The following WDR70 variants were observed in gnomAD, a reference collection of about 807,000 sequenced individuals.
WDR70 encodes WD repeat-containing protein 70.
Under a neutral mutation model 88.6 loss-of-function variants are expected in WDR70, and 53 were observed. The observed-to-expected ratio is 0.60, with a 90% CI of 0.48 to 0.75. The LOEUF (loss-of-function observed/expected upper bound fraction) is 0.75, where lower values mean the gene tolerates loss of function less well. WDR70 is among the 30% of genes least tolerant of loss of function. WDR70 has a pLI of 0.00. For synonymous variants in WDR70, 280 were observed against 270.0 expected (o/e 1.04, Z -0.36); for missense variants, 610 against 823.2 (o/e 0.74, Z 3.17).
chr5:37,722,692 T>A, intron 14 of WDR70, 163 bp from the exon 15 acceptor site: 1 of 626,642 alleles, frequency 1.6e-6, no homozygotes, highest in East Asian at 2.8e-5. Context: ...TTTAAGCTTT[T>A]ATCACTGAGA....
chr5:37,687,501 C>T (rs946190400), intron 10 of WDR70, among the ~76,000 whole-genome samples: 1 of 152,124 alleles, frequency 6.6e-6, no homozygotes, highest in Non-Finnish European at 1.5e-5. Flanking sequence ...TGTTTTGTAG[C>T]ATATATTCAC....
At chr5:37,487,720 G>A (rs1287360430) in intron 8 of WDR70, among the ~76,000 whole-genome samples, 9 of 150,012 alleles carry the variant, frequency 6.0e-5, no homozygotes, top group African/African-American at 2.2e-4. Context: ...CCTCCTCCCG[G>A]GTACAAGTGA....
At chr5:37,645,210 T>A (rs1355724779) in intron 10 of WDR70, among the ~76,000 whole-genome samples, 1 of 151,938 alleles carries the variant, frequency 6.6e-6, no homozygotes, top group East Asian at 1.9e-4. Flanking sequence ...AATTTTTCAG[T>A]TTCCTTCTTA....
At chr5:37,582,923 G>A (rs1319942321) in intron 9 of WDR70, among the ~76,000 whole-genome samples, 1 of 152,218 alleles carries the variant, frequency 6.6e-6, no homozygotes, top group African/African-American at 2.4e-5. Flanking sequence ...TTATCAAATA[G>A]CCTGTTTCTG....
intron 9 of WDR70, among the ~76,000 whole-genome samples, chr5:37,529,622 G>A (rs933540554): frequency 3.3e-5 from 5 of 152,004 alleles, no homozygotes; most frequent in African/African-American, 1.2e-4. Context: ...TTGATTCTGA[G>A]TGTGGTTGCT....
chr5:37,716,849 G>A (rs1487765074), intron 13 of WDR70, among the ~76,000 whole-genome samples: 1 of 151,974 alleles, frequency 6.6e-6, no homozygotes, highest in African/African-American at 2.4e-5. Flanking sequence ...GGAAATTTTT[G>A]TGGTCTTTTC....
intron 10 of WDR70, among the ~76,000 whole-genome samples, chr5:37,671,014 G>A (rs911707230): frequency 7.9e-5 from 12 of 152,150 alleles, no homozygotes; most frequent in African/African-American, 2.9e-4. Context: ...ATTCAGTCTA[G>A]ACCTGGATTT....
chr5:37,490,584 C>T (rs1465720504), intron 8 of WDR70, among the ~76,000 whole-genome samples: 2 of 152,026 alleles, frequency 1.3e-5, no homozygotes, highest in Non-Finnish European at 2.9e-5. Context: ...GTCTGTGGTA[C>T]CTGCCCCAGG....
At chr5:37,429,558 A>G (rs1194014219) in intron 5 of WDR70, among the ~76,000 whole-genome samples, 1 of 152,204 alleles carries the variant, frequency 6.6e-6, no homozygotes, top group East Asian at 1.9e-4. Context: ...TTTTTTCCAA[A>G]TTGATACCCA....
rs149369971 is a variant in WDR70, at chr5:37,599,406, A to G, written c.918-5658A>G. Among the ~76,000 whole-genome samples, 6 of 152,360 alleles carry G rather than the reference A, an allele frequency of 3.9e-5. No individual in the cohort carries two copies. The East Asian group carries it at 5.8e-4, about 15-fold the overall frequency. On this transcript the variant is annotated intron_variant, in intron 9 of 17. Transcript: ENST00000265107. ...GGAACATACTCAGAATATTCATTCA[A>G]TCAAAGGGTTTGGAAAAATAAAAAG...
chr5:37,699,400 T>TAC (rs780871678), intron 11 of WDR70, among the ~76,000 whole-genome samples: 1 of 146,954 alleles, frequency 6.8e-6, no homozygotes, highest in African/African-American at 2.5e-5. Flanking sequence ...TGTATATATA[T>TAC]ATACACACAC....
chr5:37,710,402 T>G (rs1038823785), intron 13 of WDR70, among the ~76,000 whole-genome samples: 2 of 152,090 alleles, frequency 1.3e-5, no homozygotes, highest in African/African-American at 4.8e-5. Flanking sequence ...TGGCATTCAC[T>G]GATGTGTTCT....
intron 10 of WDR70, among the ~76,000 whole-genome samples, chr5:37,623,872 C>T (rs939941846): frequency 6.6e-6 from 1 of 151,964 alleles, no homozygotes; most frequent in African/African-American, 2.4e-5. Flanking sequence ...TATTTGTAGC[C>T]ATTTAAAAAT....
rs138524956 is a variant in WDR70, at chr5:37,726,382, T to TA, written c.1715-498dup. On this transcript the variant is annotated intron_variant, in intron 16 of 17. Coordinates refer to ENST00000265107, the MANE Select transcript of WDR70 (RefSeq NM_018034.4). ...CTAGTGGGGAACAAATCCCTGCCCT[T>TA]AAAGAGGTTCCTATTTCATAGGGAG... is the stretch of plus-strand genomic sequence containing the variant. 7.5e-3 allele frequency among the ~76,000 whole-genome samples: 1,148 copies of TA among 152,250 alleles called. 18 individuals carry two copies. Among genetic ancestry groups the TA allele is most frequent in the African/African-American group, 0.026 (1,081 of 41,558 alleles).
At chr5:37,705,287 A>G (rs1012365610) in intron 13 of WDR70, among the ~76,000 whole-genome samples, 1 of 152,192 alleles carries the variant, frequency 6.6e-6, no homozygotes, top group Non-Finnish European at 1.5e-5. Context: ...GGATAGAAAA[A>G]TGAGCCCTAA....
At chr5:37,660,093 G>T (rs1391679088) in intron 10 of WDR70, among the ~76,000 whole-genome samples, 1 of 152,068 alleles carries the variant, frequency 6.6e-6, no homozygotes, top group East Asian at 1.9e-4. Context: ...ATATTAATCT[G>T]TTGATTGTTA....
At chr5:37,563,890 G>A (rs1329750596) in intron 9 of WDR70, among the ~76,000 whole-genome samples, 756 of 109,370 alleles carry the variant, frequency 6.9e-3, no homozygotes, top group Non-Finnish European at 7.6e-3. Flanking sequence ...CTTCTCAGAC[G>A]GGGCGGCCGG....
At chr5:37,559,621 G>A (rs1337589050) in intron 9 of WDR70, among the ~76,000 whole-genome samples, 1 of 152,270 alleles carries the variant, frequency 6.6e-6, no homozygotes, top group South Asian at 2.1e-4. Context: ...GAGGCGGGTG[G>A]ATCACCTGAG....
chr5:37,449,614 A>T (rs57223134), intron 7 of WDR70, among the ~76,000 whole-genome samples: 1,955 of 120,412 alleles, frequency 0.016, 61 homozygotes, highest in African/African-American at 0.055. Flanking sequence ...TAAAAAATAA[A>T]AAATAAATAA....
Sources: allele counts gnomAD v4.1 joint callset (sites outside exome capture counted in the v4.1 genomes callset), GRCh38; gene constraint gnomAD v4.1.1; transcripts MANE v1.5; gene names NCBI Gene and HGNC (gene_info 2026-07-23, HGNC 2026-07-21).